Variants in GNAQ observed in about 807,000 individuals in gnomAD.
The protein encoded by GNAQ is guanine nucleotide-binding protein G(q) subunit alpha.
A neutral mutation model predicts 43.9 loss-of-function variants in GNAQ; 8 were observed. That is an observed-to-expected ratio of 0.18 (90% CI 0.11 to 0.33). The LOEUF is 0.33. Among genes scored for constraint, GNAQ ranks in the 10% least tolerant of loss-of-function variants. The pLI is 1.00. For missense variants in GNAQ, 158 were observed against 450.8 expected (o/e 0.35, Z 5.88); for synonymous variants, 155 against 170.7 (o/e 0.91, Z 0.71).
intron 1 of GNAQ, among the ~76,000 whole-genome samples, chr9:78,020,333 A>C (rs1437120064): frequency 2.0e-5 from 3 of 152,192 alleles, no homozygotes; most frequent in Non-Finnish European, 4.4e-5. Context: ...CAGAAAAAAA[A>C]ACATGGAGGA....
intron 1 of GNAQ, among the ~76,000 whole-genome samples, chr9:77,953,387 T>G (rs1823004882): frequency 6.6e-6 from 1 of 152,242 alleles, no homozygotes; most frequent in South Asian, 2.1e-4. Context: ...GAAAATGATT[T>G]GTATGCTTTG....
At chr9:77,769,158 T>C (rs1447228479) in intron 5 of GNAQ, among the ~76,000 whole-genome samples, 1 of 152,128 alleles carries the variant, frequency 6.6e-6, no homozygotes, top group Non-Finnish European at 1.5e-5. Flanking sequence ...TCCAGCACTT[T>C]GGGAGGTTAA....
chr9:77,917,373 TG>T lies in GNAQ; in HGVS notation c.321+4787del, dbSNP rs562697961. Among the ~76,000 whole-genome samples, 438 of 150,980 alleles carry T rather than the reference TG, an allele frequency of 2.9e-3. 4 individuals are homozygous for T. The highest frequency in any genetic ancestry group is 9.5e-3 in the African/African-American group (392 of 41,138). On this transcript the variant is annotated intron_variant, in intron 2 of 6. Coordinates refer to ENST00000286548, the MANE Select transcript of GNAQ (RefSeq NM_002072.5). Reference sequence around the variant, plus strand: ...CGGTATAAAGAGGGCGGAAGGAGGGTGGGGGGGAAGAAGGTAAGAAAAAATA... The same window carrying T: ...CGGTATAAAGAGGGCGGAAGGAGGGTGGGGGGAAGAAGGTAAGAAAAAATA...
intron 1 of GNAQ, among the ~76,000 whole-genome samples, chr9:77,960,784 G>T (rs1446612813): frequency 8.7e-6 from 1 of 115,396 alleles, no homozygotes; most frequent in Non-Finnish European, 1.9e-5. Flanking sequence ...TAAAAAAAAT[G>T]ATCTATTCAC....
rs147770821 is a variant in GNAQ at position 77,758,456 on chromosome 9, C to T, written c.736-29789G>A. On this transcript the variant is annotated intron_variant, in intron 5 of 6. Coordinates refer to ENST00000286548, the MANE Select transcript of GNAQ (RefSeq NM_002072.5). ...TGGCACAAATGATATAGATGACATA[C>T]TTGTGTTTTAGTGGTTACTAATTTC... 8.2e-3 allele frequency among the ~76,000 whole-genome samples: 1,242 copies of T among 152,238 alleles called. 16 individuals carry two copies. The highest frequency in any genetic ancestry group is 0.024 in the African/African-American group (1,002 of 41,546).
chr9:77,911,086 A>G (rs1330017666), intron 2 of GNAQ, among the ~76,000 whole-genome samples: 1 of 152,196 alleles, frequency 6.6e-6, no homozygotes, highest in African/African-American at 2.4e-5. Context: ...TCTTCCTTTC[A>G]TCCAATTTTA....
intron 1 of GNAQ, among the ~76,000 whole-genome samples, chr9:77,950,162 T>C (rs931779079): frequency 1.3e-5 from 2 of 152,252 alleles, no homozygotes; most frequent in African/African-American, 2.4e-5. Flanking sequence ...TGGAGGCAAT[T>C]AGAAATGATT....
intron 5 of GNAQ, among the ~76,000 whole-genome samples, chr9:77,764,495 ACCCAGGCTGGAATGCAGTGGCG>A (rs1208124325): frequency 6.6e-6 from 1 of 150,764 alleles, no homozygotes; most frequent in African/African-American, 2.4e-5. Flanking sequence ...TCTCTCTGTC[ACCCAGGCTGGAATGCAGTGGCG>A]CGATCTCAGC....
At chr9:77,732,407 C>T in intron 5 of GNAQ, among the ~76,000 whole-genome samples, 1 of 151,936 alleles carries the variant, frequency 6.6e-6, no homozygotes, top group Middle Eastern at 3.4e-3. Context: ...TCACTCTTGC[C>T]CAGGCTGGAG....
chr9:77,810,946 G>C (rs1459774972), intron 3 of GNAQ, among the ~76,000 whole-genome samples: 2 of 152,176 alleles, frequency 1.3e-5, no homozygotes, highest in Non-Finnish European at 2.9e-5. Flanking sequence ...GGATGAATAG[G>C]AGTTCATCAG....
intron 2 of GNAQ, among the ~76,000 whole-genome samples, chr9:77,832,812 T>C (rs1827321307): frequency 6.6e-6 from 1 of 151,950 alleles, no homozygotes; most frequent in Non-Finnish European, 1.5e-5. Flanking sequence ...AAGGCCCTAA[T>C]CCAAGAGGAG....
intron 1 of GNAQ, among the ~76,000 whole-genome samples, chr9:78,028,413 A>T (rs532016464): frequency 6.6e-6 from 1 of 152,316 alleles, no homozygotes; most frequent in East Asian, 1.9e-4. Flanking sequence ...ACTTTCATCT[A>T]GTCAGGTACC....
intron 1 of GNAQ, among the ~76,000 whole-genome samples, chr9:78,012,551 A>G (rs1471456542): frequency 6.6e-6 from 1 of 152,138 alleles, no homozygotes; most frequent in Non-Finnish European, 1.5e-5. Context: ...GAAATATATC[A>G]CCCATGGACC....
At chr9:77,973,681 GT>G (rs1473996254) in intron 1 of GNAQ, among the ~76,000 whole-genome samples, 1 of 152,156 alleles carries the variant, frequency 6.6e-6, no homozygotes, top group Non-Finnish European at 1.5e-5. Flanking sequence ...GCTGGGCATG[GT>G]GGCGTGTGCC....
At chr9:77,737,735 G>A (rs918371066) in intron 5 of GNAQ, among the ~76,000 whole-genome samples, 2 of 152,202 alleles carry the variant, frequency 1.3e-5, no homozygotes, top group African/African-American at 4.8e-5. Flanking sequence ...CCTATAGTAA[G>A]TGGCTACTTG....
At chr9:77,914,477 T>C (rs1828862506) in intron 2 of GNAQ, among the ~76,000 whole-genome samples, 2 of 152,210 alleles carry the variant, frequency 1.3e-5, no homozygotes, top group East Asian at 1.9e-4. Context: ...CTGACCAACA[T>C]GGAGAAACCT....
At chr9:77,855,894 T>C (rs1827746869) in intron 2 of GNAQ, among the ~76,000 whole-genome samples, 2 of 152,206 alleles carry the variant, frequency 1.3e-5, no homozygotes, top group South Asian at 2.1e-4. Flanking sequence ...TTAGTTCTTA[T>C]ATTTTATACA....
At chr9:77,754,455 A>G (rs1278925504) in intron 5 of GNAQ, among the ~76,000 whole-genome samples, 1 of 152,204 alleles carries the variant, frequency 6.6e-6, no homozygotes, top group African/African-American at 2.4e-5. Flanking sequence ...TTCCCACATC[A>G]TAACAGCTGT....
intron 3 of GNAQ, among the ~76,000 whole-genome samples, chr9:77,813,327 G>GC (rs1826957455): frequency 6.6e-6 from 1 of 152,128 alleles, no homozygotes; most frequent in African/African-American, 2.4e-5. Flanking sequence ...GTGCTAGAGG[G>GC]CCCCACGTTT....
Sources: gnomAD v4.1 joint callset for allele counts (sites outside exome capture counted in the v4.1 genomes callset) on GRCh38, gnomAD v4.1.1 for gene constraint, MANE v1.5 for transcripts, NCBI Gene and HGNC (gene_info 2026-07-23, HGNC 2026-07-21) for gene names.